TOX4: variants seen among roughly 807,000 people sequenced by gnomAD.
TOX4 encodes TOX high mobility group box family member 4.
Under a neutral mutation model 61.0 loss-of-function variants are expected in TOX4, and 12 were observed. The ratio of observed to expected loss-of-function variants is 0.20; its 90% CI spans 0.13 to 0.32. TOX4 has a LOEUF of 0.32. Ranked by LOEUF, TOX4 falls within the 10% of genes least tolerant of loss-of-function variation. The pLI is 1.00. For missense variants in TOX4, 499 were observed against 753.3 expected, an observed-to-expected ratio of 0.66 and a Z score of 3.95; for synonymous variants, 268 against 274.8, an observed-to-expected ratio of 0.98 and a Z score of 0.24.
chr14:21,483,921 C>T (rs1234776569), intron 2 of TOX4, among the ~76,000 whole-genome samples: 1 of 151,998 alleles, frequency 6.6e-6, no homozygotes, highest in East Asian at 1.9e-4. Context: ...GATTCTCGTG[C>T]CTCAGCCACC....
chr14:21,479,654 A>G (rs778812289), intron 2 of TOX4, among the ~76,000 whole-genome samples: 4 of 152,156 alleles, frequency 2.6e-5, no homozygotes, highest in African/African-American at 9.7e-5. Flanking sequence ...TCTCAAACAA[A>G]CAAACAAAAA....
chr14:21,496,412 AGCTACTCGGGAG>A (rs1277383409), intron 8 of TOX4, 122 bp from the exon 9 acceptor site: 2 of 676,370 alleles, frequency 3.0e-6, no homozygotes, highest in Non-Finnish European at 4.9e-6. Flanking sequence ...CTGTAGTCCC[AGCTACTCGGGAG>A]GCTAAGGCAG....
Position 21,495,186 on chromosome 14 carries a change from G to C in TOX4, c.1642-43G>C, listed in dbSNP as rs777915248. The C allele has an allele frequency of 5.0e-6, 8 of 1,598,556 alleles. No homozygotes were observed. In the South Asian group the frequency reaches 8.9e-5, roughly 18 times the overall value. Reference sequence around the variant, plus strand: ...ATTTAGCTAACTAGCTAGCTAGGCAGGGAGCAATCTAATCCACCTTGGTAC... The same window carrying C: ...ATTTAGCTAACTAGCTAGCTAGGCACGGAGCAATCTAATCCACCTTGGTAC... On this transcript the variant is annotated intron_variant, in intron 7 of 8. Coordinates refer to ENST00000448790, the MANE Select transcript of TOX4 (RefSeq NM_014828.4).
chr14:21,488,320 A>G, intron 3 of TOX4: 1 of 392,830 alleles, frequency 2.5e-6, no homozygotes. Flanking sequence ...ATATTACTGA[A>G]TAAGTTGATA....
At chr14:21,489,719 C>A (rs904510750) in intron 5 of TOX4, among the ~76,000 whole-genome samples, 35 of 151,978 alleles carry the variant, frequency 2.3e-4, no homozygotes, top group African/African-American at 8.5e-4. Context: ...GCTGGGACTG[C>A]AGGCGCTTCC....
intron 4 of TOX4, 121 bp downstream of exon 4, chr14:21,488,971 T>A: frequency 1.4e-6 from 2 of 1,421,452 alleles, no homozygotes; most frequent in Non-Finnish European, 1.9e-6. Context: ...GTTTTCTGGG[T>A]ATGGGGTTCC....
In TOX4 at chr14:21,486,089, C is replaced by T. The variant is rs1408572517; in HGVS notation, c.76-1362C>T. Reference sequence around the variant, plus strand: ...TGGTGGCACATACCTGTAGTCCCAGCTACTCGGGAGGCTGGGGCTGGAGGC... The same window carrying T: ...TGGTGGCACATACCTGTAGTCCCAGTTACTCGGGAGGCTGGGGCTGGAGGC... On this transcript the variant is annotated intron_variant, in intron 2 of 8. Coordinates refer to ENST00000448790, the MANE Select transcript of TOX4 (RefSeq NM_014828.4). Among the ~76,000 whole-genome samples, 4 of 103,720 alleles carry T rather than the reference C, an allele frequency of 3.9e-5. 1 individual carries two copies. The highest frequency in any genetic ancestry group is 8.4e-5 in the Non-Finnish European group (4 of 47,798). The allele number at this position is 103,720 out of a possible 152,430, so 68.0% of individuals were successfully genotyped here.
intron 1 of TOX4, 49 bp downstream of exon 1, chr14:21,477,333 G>T (rs758190351): frequency 5.6e-6 from 9 of 1,613,812 alleles, no homozygotes; most frequent in East Asian, 2.2e-5. Context: ...CGGCCGACCG[G>T]GTTGAAGCAG....
At chr14:21,478,416 TCA>T (rs1891045774) in intron 2 of TOX4, among the ~76,000 whole-genome samples, 1 of 152,250 alleles carries the variant, frequency 6.6e-6, no homozygotes, top group African/African-American at 2.4e-5. Flanking sequence ...TCTTTGTATG[TCA>T]CAGTTTCCCC....
In TOX4 at chr14:21,492,878, GGTCAGTGTTGC is replaced by G; in HGVS notation, c.1263_1273del (p.Ser422GlyfsTer90). ...AGTCAACAAGCCCAGATTGTCACTC[GGTCAGTGTTGC>G]AGGCAGCAGCAGCTGCTGCTGCTGC... On this transcript the variant is annotated frameshift_variant, in exon 7 of 9. Transcript: ENST00000448790. LOFTEE classifies it high-confidence loss of function. 1 of 1,612,042 alleles carries G rather than the reference GGTCAGTGTTGC, an allele frequency of 6.2e-7. No homozygotes were observed. The highest frequency in any genetic ancestry group is 8.5e-7 in the Non-Finnish European group (1 of 1,179,364).
chr14:21,493,779 C>CT (rs924060167), intron 7 of TOX4, among the ~76,000 whole-genome samples: 12 of 150,644 alleles, frequency 8.0e-5, no homozygotes, highest in African/African-American at 2.9e-4. Flanking sequence ...GAGACGGAGT[C>CT]TCGCTCTGTT....
At chr14:21,477,469 TC>T (rs1566476917) in intron 1 of TOX4, 26 bp from the exon 2 acceptor site, 11 of 1,612,806 alleles carry the variant, frequency 6.8e-6, no homozygotes, top group Non-Finnish European at 9.3e-6. Flanking sequence ...CCCTAACTTA[TC>T]CCCGCGACTT....
intron 7 of TOX4, 129 bp downstream of exon 7, chr14:21,493,386 A>G: frequency 1.0e-6 from 1 of 970,152 alleles, no homozygotes; most frequent in Non-Finnish European, 1.4e-6. Flanking sequence ...CATCCTGCAG[A>G]TGGGAGTTCC....
At chr14:21,477,622 T>G (rs1594421317) in intron 2 of TOX4, 58 bp downstream of exon 2, 1 of 1,588,772 alleles carries the variant, frequency 6.3e-7, no homozygotes, top group Non-Finnish European at 8.6e-7. Context: ...TGGGGTAGGG[T>G]AGTGGGGAGG....
intron 2 of TOX4, 124 bp from the exon 3 acceptor site, chr14:21,487,327 A>G (rs1891205140): frequency 1.5e-6 from 2 of 1,327,190 alleles, no homozygotes; most frequent in East Asian, 4.7e-5. Context: ...ATTGATTATA[A>G]AATAGGATCC....
chr14:21,490,470 C>G (rs974692373), intron 5 of TOX4, among the ~76,000 whole-genome samples: 1 of 152,124 alleles, frequency 6.6e-6, no homozygotes, highest in African/African-American at 2.4e-5. Context: ...AGTGAAACTC[C>G]ATCTCAAAAA....
At chr14:21,481,088 C>T (rs1160828426) in intron 2 of TOX4, among the ~76,000 whole-genome samples, 2 of 152,028 alleles carry the variant, frequency 1.3e-5, no homozygotes, top group Non-Finnish European at 2.9e-5. Context: ...GAAACTCCGT[C>T]TCAAAAAAAT....
Position 21,484,848 on chromosome 14 carries a change from C to T in TOX4, c.76-2603C>T, listed in dbSNP as rs1316349469. ...TAATTTTTTGTTCTTTTGGTAGAGA[C>T]GGGTTTCACTGTGTTGGCCAGGCTG... is the stretch of plus-strand genomic sequence containing the variant. On this transcript the variant is annotated intron_variant, in intron 2 of 8. Transcript: ENST00000448790. 5.0e-5 allele frequency among the ~76,000 whole-genome samples: 5 copies of T among 99,768 alleles called. 2 individuals carry two copies. Among genetic ancestry groups the T allele is most frequent in the Non-Finnish European group, 1.1e-4 (5 of 45,806 alleles). The allele number at this position is 99,768 out of a possible 152,430, so 65.5% of individuals were successfully genotyped here.
At chr14:21,488,489 C>A in intron 3 of TOX4, 101 bp from the exon 4 acceptor site, 2 of 1,129,632 alleles carry the variant, frequency 1.8e-6, no homozygotes, top group Non-Finnish European at 2.5e-6. Context: ...TTAAATGATA[C>A]AATTTGGGTA....
Sources: gnomAD v4.1 joint callset for allele counts (sites outside exome capture counted in the v4.1 genomes callset) on GRCh38, gnomAD v4.1.1 for gene constraint, MANE v1.5 for transcripts, NCBI Gene and HGNC (gene_info 2026-07-23, HGNC 2026-07-21) for gene names.